Variants in TENM1 observed in about 807,000 individuals in gnomAD.
TENM1 encodes teneurin-1.
TENM1 carries 35 observed loss-of-function variants against 174.8 expected under a neutral mutation model. That is an observed-to-expected ratio of 0.20 (90% CI 0.15 to 0.27). TENM1 has a LOEUF of 0.27. TENM1 is among the 10% of genes least tolerant of loss of function. TENM1 has a pLI of 1.00. For synonymous variants in TENM1, 781 were observed against 798.7 expected (o/e 0.98, Z 0.37); for missense variants, 1,633 against 2,130.1 (o/e 0.77, Z 4.59).
chrX:124,534,030 G>A (rs1298610229), intron 15 of TENM1, among the ~76,000 whole-genome samples: 4 of 111,625 alleles, frequency 3.6e-5, no homozygotes, highest in African/African-American at 1.3e-4. Flanking sequence ...ACATGCATGG[G>A]GAATATCACC....
intron 11 of TENM1, among the ~76,000 whole-genome samples, chrX:124,577,624 C>A (rs894671750): frequency 1.8e-5 from 2 of 111,468 alleles, no homozygotes; most frequent in Non-Finnish European, 3.8e-5. Flanking sequence ...TCCTATGAGT[C>A]GCCACACCCA....
rs752417553 is a variant in TENM1 at position 124,754,332 on chromosome X, C to T, written c.536-17135G>A. On this transcript the variant is annotated intron_variant, in intron 3 of 31. Transcript: ENST00000422452. Reference sequence around the variant, plus strand: ...TGTATTTCTGTGGGATTGGTGGTGACATCCCCTTTACCATTTTTTATTGCG... The same window carrying T: ...TGTATTTCTGTGGGATTGGTGGTGATATCCCCTTTACCATTTTTTATTGCG... Among the ~76,000 whole-genome samples the T allele has an allele frequency of 2.3e-3, 259 of 111,488 alleles. 1 individual carries two copies. Among genetic ancestry groups the T allele is most frequent in the African/African-American group, 8.1e-3 (250 of 30,677 alleles).
intron 28 of TENM1, among the ~76,000 whole-genome samples, chrX:124,387,317 T>C (rs1295217026): frequency 9.0e-6 from 1 of 111,134 alleles, no homozygotes. Context: ...GTTTTAATTC[T>C]AAATGCAGAC....
the TENM1 span, among the ~76,000 whole-genome samples, chrX:125,020,588 T>C: frequency 9.1e-6 from 1 of 109,369 alleles, no homozygotes; most frequent in Non-Finnish European, 1.9e-5. Context: ...ATTTTCCAGG[T>C]GAGTAATTAG....
At chrX:124,933,473 T>G (rs1205603345) in intron 1 of TENM1, among the ~76,000 whole-genome samples, 5 of 112,295 alleles carry the variant, frequency 4.5e-5, no homozygotes, top group Non-Finnish European at 9.4e-5. Context: ...CAGACAATTT[T>G]TAATGCAGTA....
chrX:124,563,806 T>C, intron 12 of TENM1, 34 bp from the exon 16 acceptor site: 1 of 1,161,370 alleles, frequency 8.6e-7, no homozygotes, highest in African/African-American at 1.8e-5. Context: ...ATCAAATGAA[T>C]TTCTGAGAGA....
chrX:124,992,258 GC>G, the TENM1 span, among the ~76,000 whole-genome samples: 1 of 111,175 alleles, frequency 9.0e-6, no homozygotes, highest in Non-Finnish European at 1.9e-5. Flanking sequence ...GTAATGCTCT[GC>G]CTAGCCCTCT....
intron 3 of TENM1, among the ~76,000 whole-genome samples, chrX:124,839,976 C>T (rs932671920): frequency 1.3e-4 from 14 of 111,329 alleles, no homozygotes; most frequent in African/African-American, 4.2e-4. Context: ...ATTCAACCTC[C>T]GGCAATGACT....
the TENM1 span, among the ~76,000 whole-genome samples, chrX:125,080,599 T>C: frequency 9.0e-6 from 1 of 111,249 alleles, no homozygotes; most frequent in Non-Finnish European, 1.9e-5. Flanking sequence ...AGGTGGTAAA[T>C]ATAAATATAA....
intron 11 of TENM1, among the ~76,000 whole-genome samples, chrX:124,623,333 T>C (rs893929684): frequency 7.2e-5 from 8 of 111,430 alleles, no homozygotes; most frequent in African/African-American, 2.6e-4. Flanking sequence ...TTTGGGTGCA[T>C]GTACATGAGT....
intron 22 of TENM1, 81 bp from the exon 26 acceptor site, chrX:124,453,572 G>C: frequency 7.5e-6 from 7 of 933,925 alleles, no homozygotes; most frequent in Non-Finnish European, 1.0e-5. Flanking sequence ...AAAAGCCATA[G>C]CAATGGAAAG....
intron 1 of TENM1, among the ~76,000 whole-genome samples, chrX:124,912,079 C>G (rs895297437): frequency 1.8e-5 from 2 of 111,618 alleles, no homozygotes; most frequent in Admixed American, 1.9e-4. Context: ...TAACTGTGCT[C>G]AGTCAAAATT....
chrX:124,974,596 T>A, the TENM1 span, among the ~76,000 whole-genome samples: 1 of 110,090 alleles, frequency 9.1e-6, no homozygotes, highest in Non-Finnish European at 1.9e-5. Context: ...TTTTGTAGAT[T>A]CTTGATTTTT....
chrX:124,665,041 A>G (rs947755778), intron 6 of TENM1, among the ~76,000 whole-genome samples: 1 of 111,809 alleles, frequency 8.9e-6, no homozygotes, highest in Non-Finnish European at 1.9e-5. Flanking sequence ...TTCAACTATA[A>G]AACATGGGTA....
exon 32 of TENM1, chrX:124,380,622 C>G: frequency 8.3e-7 from 1 of 1,211,272 alleles, no homozygotes; most frequent in Non-Finnish European, 1.1e-6. Flanking sequence ...ACAGACAAAA[C>G]AAAATACCCA....
At chrX:124,833,188 G>GGT (rs1369646817) in intron 3 of TENM1, among the ~76,000 whole-genome samples, 1 of 111,566 alleles carries the variant, frequency 9.0e-6, no homozygotes, top group African/African-American at 3.3e-5. Context: ...CAGTTCAAGA[G>GGT]GTGTTTACTA....
At chrX:125,033,808 T>C in the TENM1 span, among the ~76,000 whole-genome samples, 3 of 111,136 alleles carry the variant, frequency 2.7e-5, no homozygotes, top group African/African-American at 3.3e-5. Flanking sequence ...ATCTACACAA[T>C]ATTCATTTTT....
chrX:124,443,942 A>T (rs5956657), intron 23 of TENM1, among the ~76,000 whole-genome samples: 1,215 of 112,055 alleles, frequency 0.011, 19 homozygotes, highest in African/African-American at 0.037. Flanking sequence ...AACACTACTC[A>T]CCCTCATTAC....
the TENM1 span, among the ~76,000 whole-genome samples, chrX:125,150,857 G>A: frequency 8.9e-6 from 1 of 112,341 alleles, no homozygotes; most frequent in African/African-American, 3.2e-5. Context: ...TGTGATGAAA[G>A]TCTTTCTAAG....
Sources: gnomAD v4.1 joint callset for allele counts (sites outside exome capture counted in the v4.1 genomes callset) on GRCh38, gnomAD v4.1.1 for gene constraint, MANE v1.5 for transcripts, NCBI Gene and HGNC (gene_info 2026-07-23, HGNC 2026-07-21) for gene names.